The following WDR33 variants were observed in gnomAD, a reference collection of about 807,000 sequenced individuals.
WDR33 encodes WD repeat domain 33.
WDR33 carries 47 observed loss-of-function variants against 164.9 expected under a neutral mutation model. That is an observed-to-expected ratio of 0.29 (90% CI 0.23 to 0.36). The LOEUF (loss-of-function observed/expected upper bound fraction) is 0.36. Among genes scored for constraint, WDR33 ranks in the 10% least tolerant of loss-of-function variants. The pLI, the probability that WDR33 is intolerant of heterozygous loss-of-function variation, is 1.00. For synonymous variants in WDR33, 505 were observed against 589.0 expected (o/e 0.86, Z 2.06); for missense variants, 1,137 against 1,754.1 (o/e 0.65, Z 6.28).
intron 7 of WDR33, among the ~76,000 whole-genome samples, chr2:127,749,900 A>G (rs1368783204): frequency 2.0e-5 from 3 of 150,978 alleles, no homozygotes; most frequent in Non-Finnish European, 3.0e-5. Context: ...CAGTGGCCCA[A>G]TCTCAGCTCA....
chr2:127,717,044 C>T lies in WDR33; in HGVS notation c.2869+111G>A, dbSNP rs1455834989. ...TGAATGACCACACCCTTATTTTGCCCAGAGGTTCAAATGACCAGTCTATCA... is the reference window on the plus strand; with the variant it reads ...TGAATGACCACACCCTTATTTTGCCTAGAGGTTCAAATGACCAGTCTATCA... On this transcript the variant is annotated intron_variant, in intron 17 of 21. Coordinates refer to ENST00000322313, the MANE Select transcript of WDR33 (RefSeq NM_018383.5). This position sits in a 1 kb window ranked among gnomAD's most constrained non-coding sequence, Gnocchi z 5.6. The T allele has an allele frequency of 3.5e-6, 4 of 1,127,544 alleles. No individual in the cohort carries two copies. The highest frequency in any genetic ancestry group is 2.6e-6 in the Non-Finnish European group (2 of 766,786). 69.8% of individuals were successfully genotyped at this position (1,127,544 alleles called of 1,614,324 possible).
intron 1 of WDR33, among the ~76,000 whole-genome samples, chr2:127,784,347 A>C (rs1688487928): frequency 6.6e-6 from 1 of 152,302 alleles, no homozygotes; most frequent in South Asian, 2.1e-4. Context: ...AATTTATGAA[A>C]TACTAACTGC....
chr2:127,803,950 A>C (rs1365043630), intron 1 of WDR33, among the ~76,000 whole-genome samples: 5 of 143,754 alleles, frequency 3.5e-5, no homozygotes, highest in African/African-American at 1.4e-4. Flanking sequence ...CCAGTCTCAA[A>C]AAAAAAAAAA....
chr2:127,772,653 C>T (rs185140965), intron 1 of WDR33, among the ~76,000 whole-genome samples: 1 of 152,038 alleles, frequency 6.6e-6, no homozygotes, highest in Admixed American at 6.6e-5. Flanking sequence ...GAGCAAAGTA[C>T]CACAGAAACT....
At chr2:127,715,437 A>G (rs1686275981) in intron 17 of WDR33, among the ~76,000 whole-genome samples, 1 of 152,000 alleles carries the variant, frequency 6.6e-6, no homozygotes, top group Admixed American at 6.6e-5. Context: ...CCTCTTTACC[A>G]TGCAATATAT....
intron 7 of WDR33, among the ~76,000 whole-genome samples, chr2:127,733,154 C>G (rs1438188609): frequency 1.3e-5 from 2 of 152,066 alleles, no homozygotes; most frequent in Non-Finnish European, 2.9e-5. Context: ...GATGAAAGAC[C>G]AGGCAGTTTT....
Position 127,724,615 on chromosome 2 carries a change from G to C in WDR33, c.1086-172C>G, listed in dbSNP as rs1042330855. Among the ~76,000 whole-genome samples the C allele has an allele frequency of 6.6e-6, 1 of 152,202 alleles. No individual in the cohort carries two copies. The highest frequency in any genetic ancestry group is 1.5e-5 in the Non-Finnish European group (1 of 68,030). On this transcript the variant is annotated intron_variant, in intron 10 of 21. Transcript: ENST00000322313. This position sits in a 1 kb window ranked among gnomAD's most constrained non-coding sequence, Gnocchi z 4.8. ...ATTGGCTTGTCATTGCCAAAGGACAGTTACCCTTTCATCCAAAGAGCACTT... is the reference window on the plus strand; with the variant it reads ...ATTGGCTTGTCATTGCCAAAGGACACTTACCCTTTCATCCAAAGAGCACTT...
In WDR33 at chr2:127,718,543, G is replaced by A. The variant is rs1686349578; in HGVS notation, c.2760+722C>T. On this transcript the variant is annotated intron_variant, in intron 16 of 21. Coordinates refer to ENST00000322313, the MANE Select transcript of WDR33 (RefSeq NM_018383.5). This position sits in a 1 kb window ranked among gnomAD's most constrained non-coding sequence, Gnocchi z 4.4. The stretch of plus-strand genomic sequence containing the variant: ...TTTCCTCACACCATCTCTCAAGCAC[G>A]AGCTCAGCGCATGAGCAATAAAAAT... Among the ~76,000 whole-genome samples the A allele has an allele frequency of 6.6e-6, 1 of 152,086 alleles. No individual in the cohort carries two copies. The highest frequency in any genetic ancestry group is 1.9e-4 in the East Asian group (1 of 5,190).
rs1686095736 is a variant in WDR33, at chr2:127,709,375, C to T, written c.3565+115G>A. On this transcript the variant is annotated intron_variant, in intron 20 of 21. Transcript: ENST00000322313. This position sits in a 1 kb window ranked among gnomAD's most constrained non-coding sequence, Gnocchi z 5.0. ...GCTGCAGGACAGGAGACAGCCCAGC[C>T]CCCCGGGAGACATGAGCTGGAAAGA... 1 of 993,580 alleles carries T rather than the reference C, an allele frequency of 1.0e-6. No homozygotes were observed. Among genetic ancestry groups the T allele is most frequent in the African/African-American group, 1.6e-5 (1 of 62,740 alleles). The allele number at this position is 993,580 out of a possible 1,614,324, so 61.5% of individuals were successfully genotyped here.
At chr2:127,756,871 C>T (rs938549146) in intron 7 of WDR33, among the ~76,000 whole-genome samples, 1 of 151,938 alleles carries the variant, frequency 6.6e-6, no homozygotes, top group Non-Finnish European at 1.5e-5. Context: ...CACCTGAGAT[C>T]AAGAGACCAG....
In WDR33 at chr2:127,706,245, C is replaced by T; in HGVS notation, c.*78G>A. 1 of 1,345,148 alleles carries T rather than the reference C, an allele frequency of 7.4e-7. No homozygotes were observed. Among genetic ancestry groups the T allele is most frequent in the Non-Finnish European group, 9.9e-7 (1 of 1,006,912 alleles). 83.3% of individuals were successfully genotyped at this position (1,345,148 alleles called of 1,614,324 possible). ...TCAGGGCTACAATGGTGCAGGCTTC[C>T]TTTTGTTTCTCTTGGTGAGTCCACA... On this transcript the variant is annotated 3_prime_UTR_variant, in exon 22 of 22. Transcript: ENST00000322313. The surrounding 1 kb of genome is among the most constrained non-coding windows in gnomAD (Gnocchi z 5.1).
intron 1 of WDR33, among the ~76,000 whole-genome samples, chr2:127,777,536 CT>C (rs1688226738): frequency 6.6e-6 from 1 of 152,278 alleles, no homozygotes; most frequent in South Asian, 2.1e-4. Context: ...AAATTTGTAT[CT>C]TTCAACAATG....
chr2:127,727,423 T>C (rs1686597713), intron 7 of WDR33, among the ~76,000 whole-genome samples: 1 of 152,156 alleles, frequency 6.6e-6, no homozygotes, highest in East Asian at 1.9e-4. Context: ...ATCATCTTTT[T>C]AAATCTTCAC....
At chr2:127,761,715 C>T (rs1198446921) in intron 7 of WDR33, among the ~76,000 whole-genome samples, 2 of 152,176 alleles carry the variant, frequency 1.3e-5, no homozygotes, top group African/African-American at 2.4e-5. Flanking sequence ...CACTTCCACC[C>T]TTGGCATCAT....
chr2:127,721,906 T>G lies in WDR33; in HGVS notation c.1601A>C (p.Lys534Thr). Reference sequence around the variant, plus strand: ...CTCAATTTCTGCTTGTGTTTTTTTCTTCTCTTCCAATTTAATGTCTTCTTT... The same window carrying G: ...CTCAATTTCTGCTTGTGTTTTTTTCGTCTCTTCCAATTTAATGTCTTCTTT... ...DRKEDIKLEEKKKTQAEIEQE... is the reference protein window; with the variant it reads ...DRKEDIKLEETKKTQAEIEQE... Residue 534 changes from lysine to threonine, a missense_variant, in exon 15 of 22, where the codon AAG becomes ACG. This residue lies in a region of WDR33 where 75 missense variants were observed against 124.7 expected (regional missense o/e 0.60). Coordinates refer to ENST00000322313, the MANE Select transcript of WDR33 (RefSeq NM_018383.5). The surrounding 1 kb of genome is among the most constrained non-coding windows in gnomAD (Gnocchi z 4.9). 6.2e-7 allele frequency: 1 copy of G among 1,614,082 alleles called. No individual in the cohort carries two copies. Among genetic ancestry groups the G allele is most frequent in the Non-Finnish European group, 8.5e-7 (1 of 1,180,004 alleles).
At chr2:127,744,616 G>GA (rs1228379778) in intron 7 of WDR33, among the ~76,000 whole-genome samples, 1 of 152,178 alleles carries the variant, frequency 6.6e-6, no homozygotes, top group Non-Finnish European at 1.5e-5. Flanking sequence ...AATAAGAGGG[G>GA]AAAGACGTTG....
intron 7 of WDR33, among the ~76,000 whole-genome samples, chr2:127,761,620 G>T (rs1687679893): frequency 6.6e-6 from 1 of 152,212 alleles, no homozygotes; most frequent in African/African-American, 2.4e-5. Flanking sequence ...AGTGAGGAAA[G>T]ATTCAACATA....
intron 1 of WDR33, among the ~76,000 whole-genome samples, chr2:127,779,117 A>G (rs955790216): frequency 6.6e-6 from 1 of 151,706 alleles, no homozygotes; most frequent in Non-Finnish European, 1.5e-5. Context: ...ATCACATCCC[A>G]TTGATGGTTC....
At chr2:127,801,027 G>A (rs1360742642) in intron 1 of WDR33, among the ~76,000 whole-genome samples, 1 of 151,184 alleles carries the variant, frequency 6.6e-6, no homozygotes, top group South Asian at 2.1e-4. Context: ...AGCACTTCAG[G>A]AAGCCGAAGT....
Sources: gnomAD v4.1 joint callset for allele counts (sites outside exome capture counted in the v4.1 genomes callset) on GRCh38, gnomAD v4.1.1 for gene constraint, gnomAD v4.1.1 regional missense constraint, Gnocchi (gnomAD v3.1) non-coding constraint, MANE v1.5 for transcripts, NCBI Gene and HGNC (gene_info 2026-07-23, HGNC 2026-07-21) for gene names.